The following FBXW11 variants were observed in gnomAD, a reference collection of about 807,000 sequenced individuals.
The protein encoded by FBXW11 is F-box and WD repeat domain containing 11.
FBXW11 carries 19 observed loss-of-function variants against 77.6 expected under a neutral mutation model. The observed-to-expected ratio is 0.24, with a 90% confidence interval of 0.17 to 0.36. The LOEUF is 0.36. Among genes scored for constraint, FBXW11 ranks in the 10% least tolerant of loss-of-function variants. The pLI is 1.00. For synonymous variants in FBXW11, 235 were observed against 249.4 expected (o/e 0.94, Z 0.54); for missense variants, 334 against 704.2 (o/e 0.47, Z 5.95).
chr5:171,999,539 T>C (rs1185741490), intron 1 of FBXW11, among the ~76,000 whole-genome samples: 1 of 152,156 alleles, frequency 6.6e-6, no homozygotes, highest in Non-Finnish European at 1.5e-5. Context: ...GTGTCAGGAC[T>C]GAGTTCTTCC....
chr5:171,914,415 G>A lies in FBXW11; in HGVS notation c.148-10C>T, dbSNP rs1561678624. On this transcript the variant is annotated splice_polypyrimidine_tract_variant and intron_variant, in intron 2 of 13. Transcript: ENST00000517395. ...CCATAACTGAAGTGTTCTAGGGGGG[G>A]AAAAACAGGTTATTTGAATTATACC... 2.6e-6 allele frequency: 4 copies of A among 1,568,434 alleles called. No individual in the cohort carries two copies. Among genetic ancestry groups the A allele is most frequent in the Admixed American group, 2.2e-5 (1 of 46,442 alleles).
chr5:171,920,917 T>C (rs1175435082), intron 2 of FBXW11, among the ~76,000 whole-genome samples: 3 of 152,180 alleles, frequency 2.0e-5, no homozygotes, highest in Non-Finnish European at 4.4e-5. Flanking sequence ...CTGAATTCTA[T>C]ATAAAACCAA....
intron 2 of FBXW11, among the ~76,000 whole-genome samples, chr5:171,924,784 T>C (rs116080863): frequency 0.042 from 2,194 of 52,774 alleles, 46 homozygotes; most frequent in African/African-American, 0.14. Flanking sequence ...CCCCCGCTGA[T>C]TGGTAGTGCT....
intron 7 of FBXW11, among the ~76,000 whole-genome samples, chr5:171,884,375 C>T (rs912606178): frequency 2.0e-5 from 3 of 152,170 alleles, no homozygotes; most frequent in Non-Finnish European, 2.9e-5. Context: ...TTTCTGGGTT[C>T]TCTATTCTGT....
chr5:171,906,334 T>C (rs922787861), intron 4 of FBXW11, among the ~76,000 whole-genome samples: 1 of 152,110 alleles, frequency 6.6e-6, no homozygotes, highest in African/African-American at 2.4e-5. Flanking sequence ...CCTCAACGGA[T>C]GCCTTTCACT....
chr5:171,977,204 G>A (rs1239785698), intron 1 of FBXW11, among the ~76,000 whole-genome samples: 1 of 151,322 alleles, frequency 6.6e-6, no homozygotes, highest in Admixed American at 6.6e-5. Context: ...GTCGGGTATG[G>A]TGGCACGTGT....
chr5:171,987,702 C>T (rs1375008444), intron 1 of FBXW11, among the ~76,000 whole-genome samples: 2 of 152,194 alleles, frequency 1.3e-5, no homozygotes, highest in African/African-American at 4.8e-5. Flanking sequence ...ATCCGCCCAC[C>T]TCAGCCTCCC....
At chr5:171,944,390 ATGGTG>A (rs1762897425) in intron 2 of FBXW11, among the ~76,000 whole-genome samples, 1 of 151,914 alleles carries the variant, frequency 6.6e-6, no homozygotes, top group Admixed American at 6.6e-5. Flanking sequence ...CCTGGCTAAC[ATGGTG>A]AAACCCCATC....
At chr5:171,920,660 A>G (rs1346771843) in intron 2 of FBXW11, among the ~76,000 whole-genome samples, 1 of 151,842 alleles carries the variant, frequency 6.6e-6, no homozygotes, top group Non-Finnish European at 1.5e-5. Context: ...GATCATGCCA[A>G]TGCACTCCAG....
intron 1 of FBXW11, among the ~76,000 whole-genome samples, chr5:171,961,892 C>T (rs555749733): frequency 1.3e-5 from 2 of 152,238 alleles, no homozygotes; most frequent in Non-Finnish European, 2.9e-5. Flanking sequence ...GGTGATCTGC[C>T]TGCCTTGGCC....
chr5:171,959,147 C>A (rs1056928509), intron 1 of FBXW11, among the ~76,000 whole-genome samples: 3 of 151,364 alleles, frequency 2.0e-5, no homozygotes, highest in African/African-American at 7.3e-5. Flanking sequence ...ATCAGAGGAA[C>A]CAAATGGAAT....
chr5:171,993,891 C>G (rs1337731615), intron 1 of FBXW11, among the ~76,000 whole-genome samples: 1 of 152,184 alleles, frequency 6.6e-6, no homozygotes, highest in Non-Finnish European at 1.5e-5. Flanking sequence ...CTTTGAGCCA[C>G]ACTTCAAACC....
chr5:171,889,381 A>G (rs947571412), intron 7 of FBXW11, among the ~76,000 whole-genome samples: 1 of 152,020 alleles, frequency 6.6e-6, no homozygotes, highest in Non-Finnish European at 1.5e-5. Flanking sequence ...TACAAAAATT[A>G]GCTGGGCATG....
chr5:171,933,356 G>A (rs1235587909), intron 2 of FBXW11, among the ~76,000 whole-genome samples: 2 of 152,280 alleles, frequency 1.3e-5, no homozygotes, highest in East Asian at 3.9e-4. Flanking sequence ...TGTCAGGAAG[G>A]ATGGATAGGA....
In FBXW11 at chr5:171,870,961, C is replaced by A. The variant is rs571683594; in HGVS notation, c.1341-103G>T. On this transcript the variant is annotated intron_variant, in intron 10 of 13. Coordinates refer to ENST00000517395, the MANE Select transcript of FBXW11 (RefSeq NM_001378974.1). ...CCATACAGATACAATTTTTCACTAT[C>A]TTGGAGCTCTTTATTTCTATCTCAC... is the stretch of plus-strand genomic sequence containing the variant. 8 of 712,300 alleles carry A rather than the reference C, an allele frequency of 1.1e-5. No homozygotes were observed. In the African/African-American group the frequency reaches 1.4e-4, roughly 13 times the overall value. 44.1% of individuals were successfully genotyped at this position (712,300 alleles called of 1,614,324 possible). A position where few individuals can be genotyped will look rare whatever the true frequency, so the allele number is the denominator to read the frequency against.
chr5:171,884,140 A>G (rs1051418814), intron 7 of FBXW11, among the ~76,000 whole-genome samples: 2 of 152,202 alleles, frequency 1.3e-5, no homozygotes, highest in Non-Finnish European at 2.9e-5. Context: ...GGTTTTTCCA[A>G]TGTTATCTCC....
At chr5:171,916,782 G>A (rs1761283801) in intron 2 of FBXW11, among the ~76,000 whole-genome samples, 1 of 152,152 alleles carries the variant, frequency 6.6e-6, no homozygotes, top group African/African-American at 2.4e-5. Context: ...GAAAGGTGGA[G>A]CACGGAAAGG....
chr5:171,952,075 G>C (rs1005816133), intron 2 of FBXW11, among the ~76,000 whole-genome samples: 7 of 151,996 alleles, frequency 4.6e-5, no homozygotes, highest in African/African-American at 1.7e-4. Flanking sequence ...ATCGAAGTAG[G>C]AGGCACACTG....
chr5:171,966,137 CAGAT>C (rs1764176768), intron 1 of FBXW11, among the ~76,000 whole-genome samples: 1 of 152,172 alleles, frequency 6.6e-6, no homozygotes, highest in Admixed American at 6.5e-5. Flanking sequence ...TACCCAGTCT[CAGAT>C]AGTTCTTTAC....
Sources: gnomAD v4.1 joint callset for allele counts (sites outside exome capture counted in the v4.1 genomes callset) on GRCh38, gnomAD v4.1.1 for gene constraint, MANE v1.5 for transcripts, NCBI Gene and HGNC (gene_info 2026-07-23, HGNC 2026-07-21) for gene names.